NCAM1: variants seen among roughly 807,000 people sequenced by gnomAD.
NCAM1 encodes the protein antigen recognized by monoclonal antibody 5.1H11.
Under a neutral mutation model 109.8 loss-of-function variants are expected in NCAM1, and 14 were observed. The observed-to-expected ratio is 0.13, with a 90% confidence interval of 0.08 to 0.20. NCAM1 has a LOEUF of 0.20. NCAM1 is among the 10% of genes least tolerant of loss of function. The probability of loss-of-function intolerance (pLI) is 1.00; values close to 1 mark genes in which losing one functional copy is unlikely to be tolerated. For synonymous variants in NCAM1, 418 were observed against 442.9 expected (o/e 0.94, Z 0.70); for missense variants, 774 against 1,109.9 (o/e 0.70, Z 4.30).
chr11:113,237,943 T>G (rs1324957814), intron 14 of NCAM1, among the ~76,000 whole-genome samples: 1 of 125,982 alleles, frequency 7.9e-6, no homozygotes, highest in African/African-American at 3.2e-5. Flanking sequence ...TATAGATATA[T>G]ATATAGATAT....
At chr11:112,985,809 CTTTAGTGTT>C (rs1466607898) in intron 1 of NCAM1, among the ~76,000 whole-genome samples, 1 of 151,818 alleles carries the variant, frequency 6.6e-6, no homozygotes, top group East Asian at 1.9e-4. Context: ...TTGGTGGAAT[CTTTAGTGTT>C]TTTTAATATA....
chr11:113,080,699 T>G (rs540261677), intron 1 of NCAM1, among the ~76,000 whole-genome samples: 4 of 152,372 alleles, frequency 2.6e-5, no homozygotes, highest in African/African-American at 7.2e-5. Context: ...GACATGGCTG[T>G]GACTACATTG....
intron 1 of NCAM1, among the ~76,000 whole-genome samples, chr11:113,132,173 C>A (rs956785771): frequency 2.6e-5 from 4 of 152,186 alleles, no homozygotes; most frequent in Admixed American, 2.6e-4. Context: ...GGCCCTTCAT[C>A]GCCCCTTGCT....
At chr11:113,021,217 A>T (rs1262944049) in intron 1 of NCAM1, among the ~76,000 whole-genome samples, 5 of 152,186 alleles carry the variant, frequency 3.3e-5, no homozygotes, top group Non-Finnish European at 7.4e-5. Context: ...GTACAAATTG[A>T]CTGAATGAAT....
In NCAM1 at chr11:113,273,832, T is replaced by C. The variant is rs1946348326; in HGVS notation, c.2457-1435T>C. 1 of 286,458 alleles carries C rather than the reference T, an allele frequency of 3.5e-6. No individual in the cohort carries two copies. The highest frequency in any genetic ancestry group is 2.2e-5 in the African/African-American group (1 of 44,550). 17.7% of individuals were successfully genotyped at this position (286,458 alleles called of 1,614,324 possible). ...GCTGTGCTGTGTCCTCCTTGTTAGA[T>C]GTGTCTTCAGCCTCATCCAGGGCTT... On this transcript the variant is annotated intron_variant, in intron 19 of 19. Coordinates refer to ENST00000316851, the MANE Select transcript of NCAM1 (RefSeq NM_181351.5). The surrounding 1 kb of genome is among the most constrained non-coding windows in gnomAD (Gnocchi z 6.0).
chr11:113,235,302 A>G (rs1555118072), intron 14 of NCAM1, 138 bp downstream of exon 14: 2 of 1,539,714 alleles, frequency 1.3e-6, no homozygotes, highest in South Asian at 1.1e-5. Context: ...TGGAGGCCCC[A>G]CCTCCTAGTT....
At chr11:113,158,677 A>G (rs1157538638) in intron 1 of NCAM1, among the ~76,000 whole-genome samples, 1 of 152,170 alleles carries the variant, frequency 6.6e-6, no homozygotes, top group Non-Finnish European at 1.5e-5. Flanking sequence ...TATAGAGTTC[A>G]CCCAGGGGCA....
At chr11:113,263,022 A>T in intron 17 of NCAM1, 1 of 1,527,618 alleles carries the variant, frequency 6.5e-7, no homozygotes, top group Middle Eastern at 1.7e-4. Context: ...CACCATGGCC[A>T]CAGCTGCTGA....
chr11:113,244,591 C>T (rs782456933), intron 14 of NCAM1, among the ~76,000 whole-genome samples: 13 of 151,956 alleles, frequency 8.6e-5, no homozygotes, highest in Non-Finnish European at 1.5e-4. Context: ...GAATATCCAT[C>T]GATCATCAAT....
At chr11:113,073,145 T>C (rs1191586250) in intron 1 of NCAM1, among the ~76,000 whole-genome samples, 1 of 152,252 alleles carries the variant, frequency 6.6e-6, no homozygotes, top group African/African-American at 2.4e-5. Context: ...CTTAGCATCA[T>C]GTCTTCAGGG....
chr11:113,018,119 G>C (rs1940731), intron 1 of NCAM1, among the ~76,000 whole-genome samples: 22 of 152,094 alleles, frequency 1.4e-4, no homozygotes, highest in African/African-American at 5.1e-4. Context: ...CTATGACTTA[G>C]CCAGGCTTGT....
intron 1 of NCAM1, among the ~76,000 whole-genome samples, chr11:113,100,293 G>T (rs1555091269): frequency 6.6e-6 from 1 of 152,120 alleles, no homozygotes; most frequent in African/African-American, 2.4e-5. Flanking sequence ...CAGGGCTGGG[G>T]TGAGCACTTT....
intron 1 of NCAM1, among the ~76,000 whole-genome samples, chr11:112,994,987 T>C (rs1006663545): frequency 6.6e-6 from 1 of 152,144 alleles, no homozygotes; most frequent in African/African-American, 2.4e-5. Flanking sequence ...AGGGACTCAG[T>C]TGATCACAAG....
At chr11:112,986,344 T>G (rs1177100704) in intron 1 of NCAM1, among the ~76,000 whole-genome samples, 1 of 151,162 alleles carries the variant, frequency 6.6e-6, no homozygotes, top group Admixed American at 6.6e-5. Context: ...GCATCTATAT[T>G]ACTTAGGGAT....
chr11:113,025,156 T>C (rs534786447), intron 1 of NCAM1, among the ~76,000 whole-genome samples: 181 of 152,342 alleles, frequency 1.2e-3, no homozygotes, highest in African/African-American at 4.1e-3. Flanking sequence ...TAACTAACAA[T>C]AATTTAGATA....
intron 9 of NCAM1, among the ~76,000 whole-genome samples, chr11:113,229,245 C>A (rs1179417078): frequency 1.2e-5 from 1 of 86,184 alleles, no homozygotes; most frequent in Non-Finnish European, 2.9e-5. Flanking sequence ...AAGAAAAAAT[C>A]AAACAACCCC....
At chr11:113,106,116 A>T (rs1471533894) in intron 1 of NCAM1, among the ~76,000 whole-genome samples, 1 of 152,200 alleles carries the variant, frequency 6.6e-6, no homozygotes, top group African/African-American at 2.4e-5. Context: ...CTGAAAAAAA[A>T]CAAGTCCTGT....
intron 1 of NCAM1, among the ~76,000 whole-genome samples, chr11:113,000,821 T>C (rs1440904827): frequency 5.7e-4 from 8 of 13,976 alleles, no homozygotes; most frequent in African/African-American, 2.5e-3. Flanking sequence ...TATATACATA[T>C]ATATATATAT....
chr11:113,105,512 A>G (rs1057035162), intron 1 of NCAM1, among the ~76,000 whole-genome samples: 3 of 152,236 alleles, frequency 2.0e-5, no homozygotes, highest in African/African-American at 7.2e-5. Context: ...GAAATCAAAC[A>G]AATGTTCATC....
Sources: gnomAD v4.1 joint callset for allele counts (sites outside exome capture counted in the v4.1 genomes callset) on GRCh38, gnomAD v4.1.1 for gene constraint, Gnocchi (gnomAD v3.1) non-coding constraint, MANE v1.5 for transcripts, NCBI Gene and HGNC (gene_info 2026-07-23, HGNC 2026-07-21) for gene names.